TJAP1: variants seen among roughly 807,000 people sequenced by gnomAD.
TJAP1 encodes the protein tight junction associated protein 1.
A neutral mutation model predicts 42.0 loss-of-function variants in TJAP1; 27 were observed. That is an observed-to-expected ratio of 0.64 (90% CI 0.47 to 0.89). The LOEUF (loss-of-function observed/expected upper bound fraction) is 0.89, where lower values mean the gene tolerates loss of function less well. Ranked by LOEUF, TJAP1 falls within the 40% of genes least tolerant of loss-of-function variation. The probability of loss-of-function intolerance (pLI) is 0.00; values close to 1 mark genes in which losing one functional copy is unlikely to be tolerated. For synonymous variants in TJAP1, 257 were observed against 288.4 expected (o/e 0.89, Z 1.10); for missense variants, 712 against 726.9 (o/e 0.98, Z 0.24).
chr6:43,486,958 C>T (rs1311375568), intron 2 of TJAP1, among the ~76,000 whole-genome samples: 1 of 152,196 alleles, frequency 6.6e-6, no homozygotes, highest in Admixed American at 6.5e-5. Flanking sequence ...TGTGGCATAT[C>T]TTTGCAGATG....
At chr6:43,502,589 C>A in exon 8 of TJAP1, 2 of 1,551,790 alleles carry the variant, frequency 1.3e-6, no homozygotes, top group Non-Finnish European at 1.7e-6. Flanking sequence ...TCCTCTCAGG[C>A]CTCTCTTAGC....
intron 2 of TJAP1, among the ~76,000 whole-genome samples, chr6:43,496,072 G>T (rs115985823): frequency 0.05 from 7,647 of 152,236 alleles, 310 homozygotes; most frequent in African/African-American, 0.11. Flanking sequence ...GGCTTCCTGA[G>T]ATGACTGGGG....
chr6:43,503,777 T>G, intron 10 of TJAP1, 71 bp downstream of exon 10: 1 of 1,327,744 alleles, frequency 7.5e-7, no homozygotes, highest in South Asian at 1.2e-5. Context: ...CTAACTCCAG[T>G]TTCTGCACCT....
intron 2 of TJAP1, among the ~76,000 whole-genome samples, chr6:43,487,017 G>A (rs1786690649): frequency 6.6e-6 from 1 of 152,164 alleles, no homozygotes; most frequent in South Asian, 2.1e-4. Context: ...GCAGAGAGGG[G>A]GTTGAGTGAG....
At chr6:43,504,971 G>A (rs1475424410) in exon 11 of TJAP1, 1 of 1,614,126 alleles carries the variant, frequency 6.2e-7, no homozygotes, top group Non-Finnish European at 8.5e-7. Flanking sequence ...CTTTGTGCAT[G>A]TGGACATGAG....
At chr6:43,488,924 T>G (rs1372022050) in intron 2 of TJAP1, among the ~76,000 whole-genome samples, 1 of 152,214 alleles carries the variant, frequency 6.6e-6, no homozygotes, top group Non-Finnish European at 1.5e-5. Context: ...GATCCTAGGC[T>G]TGGGAAAAGG....
chr6:43,506,294 C>T (rs572328656), exon 11 of TJAP1: 1 of 153,342 alleles, frequency 6.5e-6, no homozygotes, highest in African/African-American at 2.4e-5. Flanking sequence ...GCTTCCCCCC[C>T]CAGTCCTCCG....
intron 2 of TJAP1, among the ~76,000 whole-genome samples, chr6:43,496,467 A>C (rs951559698): frequency 1.3e-5 from 2 of 152,176 alleles, no homozygotes; most frequent in Non-Finnish European, 2.9e-5. Context: ...CCGACACAGC[A>C]TGTTGCATGT....
Position 43,505,785 on chromosome 6 carries a change from T to TG in TJAP1, c.1609dup (p.Val537GlyfsTer235). 3 of 1,507,852 alleles carry TG rather than the reference T, an allele frequency of 2.0e-6. No individual in the cohort carries two copies. Among genetic ancestry groups the TG allele is most frequent in the Non-Finnish European group, 1.8e-6 (2 of 1,132,114 alleles). 93.4% of individuals were successfully genotyped at this position (1,507,852 alleles called of 1,614,324 possible). On this transcript the variant is annotated frameshift_variant, in exon 11 of 11. Transcript: ENST00000372449. LOFTEE classifies it high-confidence loss of function. The surrounding 1 kb of genome is among the most constrained non-coding windows in gnomAD (Gnocchi z 5.5). ...CGCCCCCAGCGCAGCCCCAAGAGGA[T>TG]GGGGGTTCACCACCTGCACCGCAAG...
chr6:43,503,738 T>C (rs759561870), intron 10 of TJAP1, 32 bp downstream of exon 10: 27 of 1,593,766 alleles, frequency 1.7e-5, no homozygotes, highest in South Asian at 2.2e-5. Flanking sequence ...CCTGCCCACA[T>C]AGACCATTCC....
At chr6:43,477,988 C>G (rs1436735300) in intron 1 of TJAP1, 99 bp from the exon 2 acceptor site, 2 of 152,306 alleles carry the variant, frequency 1.3e-5, no homozygotes, top group African/African-American at 4.8e-5. Flanking sequence ...GGAAAGGGAT[C>G]TTTCTAGTAG....
chr6:43,505,606 T>TG lies in TJAP1; in HGVS notation c.1426dup (p.Asp476GlyfsTer18). The TG allele has an allele frequency of 6.2e-7, 1 of 1,613,542 alleles. No homozygotes were observed. The highest frequency in any genetic ancestry group is 8.5e-7 in the Non-Finnish European group (1 of 1,180,030). On this transcript the variant is annotated frameshift_variant, in exon 11 of 11. Coordinates refer to ENST00000372449, the Ensembl canonical transcript of TJAP1. LOFTEE classifies it high-confidence loss of function. This position sits in a 1 kb window ranked among gnomAD's most constrained non-coding sequence, Gnocchi z 5.5. ...GTGAGCTTTTGCTACCCACAGAACCTGACTCTGGCTTTCCCAGGGAGGAAG... is the reference window on the plus strand; with the variant it reads ...GTGAGCTTTTGCTACCCACAGAACCTGGACTCTGGCTTTCCCAGGGAGGAAG...
chr6:43,499,746 G>A (rs1790086931), intron 4 of TJAP1, among the ~76,000 whole-genome samples: 1 of 152,266 alleles, frequency 6.6e-6, no homozygotes, highest in Admixed American at 6.5e-5. Context: ...TCTGGTCACA[G>A]TGCGTGGAGC....
intron 2 of TJAP1, chr6:43,478,837 TC>T (rs994951548): frequency 1.3e-5 from 2 of 152,114 alleles, no homozygotes; most frequent in Admixed American, 6.6e-5. Flanking sequence ...TGGTAAGAGA[TC>T]AAGTGGACTG....
At chr6:43,484,447 G>T (rs1021593835) in intron 2 of TJAP1, among the ~76,000 whole-genome samples, 12 of 152,244 alleles carry the variant, frequency 7.9e-5, no homozygotes, top group African/African-American at 2.9e-4. Flanking sequence ...GCACAAGAGC[G>T]AGACTTCATC....
chr6:43,505,495 C>T lies in TJAP1; in HGVS notation c.1314C>T (p.Ala438=). The T allele has an allele frequency of 1.2e-6, 2 of 1,613,896 alleles. No individual in the cohort carries two copies. The highest frequency in any genetic ancestry group is 1.7e-6 in the Non-Finnish European group (2 of 1,180,036). The change falls in exon 11 of 11, where the codon GCC becomes GCT. Residue 438 remains alanine (A), a synonymous_variant. Coordinates refer to ENST00000372449, the Ensembl canonical transcript of TJAP1. The surrounding 1 kb of genome is among the most constrained non-coding windows in gnomAD (Gnocchi z 5.5). Reference sequence around the variant, plus strand: ...AGCGCACAGCCTTTGGACGCGATGCCCTCCCTGAGCTGCAGCGCCATTTTG... The same window carrying T: ...AGCGCACAGCCTTTGGACGCGATGCTCTCCCTGAGCTGCAGCGCCATTTTG...
chr6:43,504,797 T>C lies in TJAP1; in HGVS notation c.616T>C (p.Leu206=), dbSNP rs554223114. 8.1e-6 allele frequency: 13 copies of C among 1,614,150 alleles called. No individual in the cohort carries two copies. The East Asian group carries it at 1.1e-4, about 14-fold the overall frequency. The change falls in exon 11 of 11, where the codon TTG becomes CTG. Residue 206 remains leucine, a synonymous_variant. Transcript: ENST00000372449. The stretch of plus-strand genomic sequence containing the variant: ...GCTACAGGACATGGTTCGGAAACAT[T>C]TGCACAGTGGTCAAGAGGCCGCCAG...
Position 43,503,398 on chromosome 6 carries a change from C to G in TJAP1, c.388-3C>G, listed in dbSNP as rs1294368060. 2 of 1,612,226 alleles carry G rather than the reference C, an allele frequency of 1.2e-6. No homozygotes were observed. Among genetic ancestry groups the G allele is most frequent in the Admixed American group, 1.7e-5 (1 of 60,006 alleles). On this transcript the variant is annotated splice_polypyrimidine_tract_variant and splice_region_variant and intron_variant, in intron 8 of 10. Coordinates refer to ENST00000372449, the Ensembl canonical transcript of TJAP1. ...CTGGGTTAACCTCAAGTCTGTGCTT[C>G]AGATCAAGAAGGCTGAGATGGATAG...
Position 43,505,178 on chromosome 6 carries a change from G to C in TJAP1, c.997G>C (p.Glu333Gln), listed in dbSNP as rs1215573195. Reference sequence around the variant, plus strand: ...ACTGTATCCTGGCCGCAGGGTAATAGAGTTCTCTGAGGATAAGGTTCGGAT... The same window carrying C: ...ACTGTATCCTGGCCGCAGGGTAATACAGTTCTCTGAGGATAAGGTTCGGAT... Residue 333 changes from glutamate to glutamine, a missense_variant, in exon 11 of 11, where the codon GAG becomes CAG. Around this residue, in one of 3 missense-constraint regions of TJAP1, gnomAD observed 549 missense variants for 528.2 expected, o/e 1.04. Coordinates refer to ENST00000372449, the Ensembl canonical transcript of TJAP1. The surrounding 1 kb of genome is among the most constrained non-coding windows in gnomAD (Gnocchi z 5.5). 5 of 1,614,084 alleles carry C rather than the reference G, an allele frequency of 3.1e-6. No individual in the cohort carries two copies. Among genetic ancestry groups the C allele is most frequent in the East Asian group, 2.2e-5 (1 of 44,894 alleles).
Sources: gnomAD v4.1 joint callset for allele counts (sites outside exome capture counted in the v4.1 genomes callset) on GRCh38, gnomAD v4.1.1 for gene constraint, gnomAD v4.1.1 regional missense constraint, Gnocchi (gnomAD v3.1) non-coding constraint, MANE v1.5 for transcripts, NCBI Gene and HGNC (gene_info 2026-07-23, HGNC 2026-07-21) for gene names.